Variants in ATP6V1C2 observed in about 807,000 individuals in gnomAD.
The protein encoded by ATP6V1C2 is V-type proton ATPase subunit C 2.
In ATP6V1C2, 45 loss-of-function variants were observed where a neutral mutation model predicts 56.8. That is an observed-to-expected ratio of 0.79 (90% CI 0.62 to 1.02). ATP6V1C2 has a LOEUF of 1.02. ATP6V1C2 is among the 50% of genes least tolerant of loss of function. ATP6V1C2 has a pLI of 0.00. For synonymous variants in ATP6V1C2, 220 were observed against 201.3 expected, an observed-to-expected ratio of 1.09 and a Z score of -0.79; for missense variants, 463 against 519.7, an observed-to-expected ratio of 0.89 and a Z score of 1.06.
intron 5 of ATP6V1C2, chr2:10,767,737 C>T (rs1218762262): frequency 6.6e-6 from 1 of 152,174 alleles, no homozygotes; most frequent in Non-Finnish European, 1.5e-5. Context: ...GGATTACAGG[C>T]GTGAGCTACC....
chr2:10,760,618 A>C (rs950617394), intron 4 of ATP6V1C2, among the ~76,000 whole-genome samples: 5 of 152,210 alleles, frequency 3.3e-5, no homozygotes, highest in Non-Finnish European at 7.3e-5. Flanking sequence ...TCTGTCAGTA[A>C]CCAAGCACAT....
In ATP6V1C2 at chr2:10,763,476, G is replaced by A. The variant is rs961543423; in HGVS notation, c.284-855G>A. ...GGTGTCTAGTGTGTGTCCCCAGCAG[G>A]GTGATGGGTGTGGAGTGAGCGTGAC... On this transcript the variant is annotated intron_variant, in intron 4 of 13. Transcript: ENST00000272238. The surrounding 1 kb of genome is among the most constrained non-coding windows in gnomAD (Gnocchi z 4.2). Among the ~76,000 whole-genome samples, 2 of 152,202 alleles carry A rather than the reference G, an allele frequency of 1.3e-5. No individual in the cohort carries two copies.
chr2:10,784,448 A>G lies in ATP6V1C2; in HGVS notation c.*1185A>G. The G allele has an allele frequency of 1.4e-6, 1 of 706,190 alleles. No homozygotes were observed. Among genetic ancestry groups the G allele is most frequent in the South Asian group, 1.9e-5 (1 of 52,020 alleles). 43.7% of individuals were successfully genotyped at this position (706,190 alleles called of 1,614,324 possible). A position where few individuals can be genotyped will look rare whatever the true frequency, so the allele number is the denominator to read the frequency against. ...TCCTGCTACAATCCAGGTTCTCCTC[A>G]GTCTGACTCCTACCCTGACCTTCGT... On this transcript the variant is annotated 3_prime_UTR_variant, in exon 14 of 14. Coordinates refer to ENST00000272238, the MANE Select transcript of ATP6V1C2 (RefSeq NM_001039362.2).
At chr2:10,735,583 G>GTCTTTTT (rs1662203530) in intron 3 of ATP6V1C2, among the ~76,000 whole-genome samples, 1 of 150,538 alleles carries the variant, frequency 6.6e-6, no homozygotes, top group African/African-American at 2.5e-5. Flanking sequence ...AAATCTCCTG[G>GTCTTTTT]TCTTTTTTTT....
At chr2:10,764,486 G>T in intron 5 of ATP6V1C2, 61 bp downstream of exon 5, 1 of 1,442,426 alleles carries the variant, frequency 6.9e-7, no homozygotes, top group Non-Finnish European at 9.7e-7. Context: ...CAAGAGCCTG[G>T]GTAGGGCCCC....
chr2:10,779,427 AAATATATATATATATGTATGTAT>A (rs1558428920), intron 12 of ATP6V1C2, among the ~76,000 whole-genome samples: 1 of 107,532 alleles, frequency 9.3e-6, no homozygotes, highest in Non-Finnish European at 2.0e-5. Context: ...ATAAAAAAAA[AAATATATATATATATGTATGTAT>A]ATATATATAT....
intron 6 of ATP6V1C2, 22 bp downstream of exon 6, chr2:10,768,832 C>T (rs1309382917): frequency 6.3e-7 from 1 of 1,599,498 alleles, no homozygotes; most frequent in East Asian, 2.2e-5. Context: ...CCAGCCTCCA[C>T]ATCTGGCGGG....
In ATP6V1C2 at chr2:10,736,028, C is replaced by T. The variant is rs571250496; in HGVS notation, c.197+9459C>T. ...ACATTTGGCATACTAAGGCTGAACA[C>T]GTTAACTCACGGCTCTCAAACTTGA... On this transcript the variant is annotated intron_variant, in intron 3 of 13. Transcript: ENST00000272238. Among the ~76,000 whole-genome samples the T allele has an allele frequency of 1.4e-4, 22 of 152,262 alleles. No homozygotes were observed. In the South Asian group the frequency reaches 3.9e-3, roughly 27 times the overall value.
intron 12 of ATP6V1C2, among the ~76,000 whole-genome samples, chr2:10,779,687 GA>G (rs555256673): frequency 0.016 from 811 of 52,106 alleles, 6 homozygotes; most frequent in African/African-American, 0.059. Flanking sequence ...TCCGGCTATA[GA>G]AAAAAAAAAA....
intron 3 of ATP6V1C2, among the ~76,000 whole-genome samples, chr2:10,741,448 C>A (rs1662544724): frequency 6.6e-6 from 1 of 152,064 alleles, no homozygotes; most frequent in Non-Finnish European, 1.5e-5. Flanking sequence ...CAGGGTCCCC[C>A]TGGAAGCTTC....
chr2:10,754,562 C>A (rs1355847060), intron 4 of ATP6V1C2, among the ~76,000 whole-genome samples: 1 of 97,790 alleles, frequency 1.0e-5, no homozygotes, highest in South Asian at 3.6e-4. Context: ...CTTTTCTTTT[C>A]TTTTCTTTTC....
chr2:10,781,940 A>G (rs2148520315), intron 12 of ATP6V1C2, among the ~76,000 whole-genome samples: 1 of 152,354 alleles, frequency 6.6e-6, no homozygotes, highest in African/African-American at 2.4e-5. Flanking sequence ...TGGAGTCCGA[A>G]TGTTCAGTCC....
rs1665294799 is a variant in ATP6V1C2, at chr2:10,780,716, G to T, written c.1062-1527G>T. ...GGATGCGCATCTGCCCAAGAAAGAG[G>T]TTGAGACCGATGGGCCAGCCGCTCC... On this transcript the variant is annotated intron_variant, in intron 12 of 13. Coordinates refer to ENST00000272238, the MANE Select transcript of ATP6V1C2 (RefSeq NM_001039362.2). This position sits in a 1 kb window ranked among gnomAD's most constrained non-coding sequence, Gnocchi z 4.1. Among the ~76,000 whole-genome samples the T allele has an allele frequency of 6.6e-6, 1 of 151,622 alleles. No homozygotes were observed. The highest frequency in any genetic ancestry group is 2.1e-4 in the South Asian group (1 of 4,816).
At chr2:10,772,761 AG>A in intron 8 of ATP6V1C2, 151 bp downstream of exon 8, 1 of 727,410 alleles carries the variant, frequency 1.4e-6, no homozygotes, top group Admixed American at 2.1e-5. Context: ...GAATTCTGTC[AG>A]GGTCGCCCAC....
In ATP6V1C2 at chr2:10,722,919, A is replaced by G. The variant is rs1160001979; in HGVS notation, c.70A>G (p.Thr24Ala). The G allele has an allele frequency of 6.2e-7, 1 of 1,614,086 alleles. No homozygotes were observed. The highest frequency in any genetic ancestry group is 1.7e-5 in the Admixed American group (1 of 60,000). The change falls in exon 2 of 14, where the codon ACT (threonine) becomes GCT (alanine). Residue 24 changes from threonine (T) to alanine (A), a missense_variant. By Grantham distance (58) the Thr-to-Ala change is moderately conservative. Coordinates refer to ENST00000272238, the MANE Select transcript of ATP6V1C2 (RefSeq NM_001039362.2). ...ENLQALERMN[T>A]VTSKSNLSYN... ...TTTGCAAGCTCTGGAGAGGATGAAT[A>G]CTGTAACCTCCAAGTCCAACCTGTC...
rs994811920 is a variant in ATP6V1C2, at chr2:10,782,267, G to C, written c.1086G>C (p.Gln362His). The C allele has an allele frequency of 1.9e-6, 3 of 1,614,060 alleles. No individual in the cohort carries two copies. The African/African-American group carries it at 4.0e-5, about 22-fold the overall frequency. Residue 362 changes from glutamine to histidine, a missense_variant, in exon 13 of 14, where the codon CAG (glutamine) becomes CAC (histidine). Coordinates refer to ENST00000272238, the MANE Select transcript of ATP6V1C2 (RefSeq NM_001039362.2). ...GGTATGGACTACCAGTGAACTTCCA[G>C]GCAGTGCTCCTGCAGCCGCATAAGA... ...VLRYGLPVNFQAVLLQPHKKS... is the reference protein window; with the variant it reads ...VLRYGLPVNFHAVLLQPHKKS...
intron 3 of ATP6V1C2, among the ~76,000 whole-genome samples, chr2:10,743,449 G>C (rs1276328133): frequency 6.6e-6 from 1 of 151,216 alleles, no homozygotes; most frequent in East Asian, 2.0e-4. Flanking sequence ...ATATCAGATG[G>C]GTCCCTAGTT....
At chr2:10,781,882 C>A (rs1665380226) in intron 12 of ATP6V1C2, among the ~76,000 whole-genome samples, 1 of 152,194 alleles carries the variant, frequency 6.6e-6, no homozygotes, top group South Asian at 2.1e-4. Context: ...ATTTTTGCCT[C>A]TCCTTTAGTG....
chr2:10,765,650 A>G (rs1664175445), intron 5 of ATP6V1C2, among the ~76,000 whole-genome samples: 1 of 152,224 alleles, frequency 6.6e-6, no homozygotes. Context: ...TCAGGCAGTG[A>G]TTCTGGAAGG....
Sources: gnomAD v4.1 joint callset for allele counts (sites outside exome capture counted in the v4.1 genomes callset) on GRCh38, gnomAD v4.1.1 for gene constraint, Gnocchi (gnomAD v3.1) non-coding constraint, MANE v1.5 for transcripts, NCBI Gene and HGNC (gene_info 2026-07-23, HGNC 2026-07-21) for gene names.